The following CACNA2D1 variants were observed in gnomAD, a reference collection of about 807,000 sequenced individuals.
CACNA2D1 encodes the protein calcium voltage-gated channel auxiliary subunit alpha2delta 1.
CACNA2D1 carries 53 observed loss-of-function variants against 171.5 expected under a neutral mutation model. The ratio of observed to expected loss-of-function variants is 0.31; its 90% confidence interval spans 0.25 to 0.39. The LOEUF is 0.39. CACNA2D1 is among the 10% of genes least tolerant of loss of function. CACNA2D1 has a pLI of 1.00. For missense variants in CACNA2D1, 903 were observed against 1,299.8 expected (o/e 0.69, Z 4.69); for synonymous variants, 442 against 443.1 (o/e 1.00, Z 0.03).
chr7:82,228,803 C>A (rs1802611702), intron 3 of CACNA2D1, among the ~76,000 whole-genome samples: 2 of 152,088 alleles, frequency 1.3e-5, no homozygotes, highest in African/African-American at 4.8e-5. Context: ...GTGATCTCAA[C>A]ACTATAGCTA....
At chr7:82,004,738 A>C (rs1409602707) in intron 18 of CACNA2D1, among the ~76,000 whole-genome samples, 1 of 152,180 alleles carries the variant, frequency 6.6e-6, no homozygotes, top group South Asian at 2.1e-4. Context: ...CGTCTAAATA[A>C]ATTTTGCTAT....
At chr7:82,084,509 A>G (rs1252320117) in intron 7 of CACNA2D1, among the ~76,000 whole-genome samples, 1 of 152,200 alleles carries the variant, frequency 6.6e-6, no homozygotes, top group African/African-American at 2.4e-5. Flanking sequence ...TGTTCCAGGT[A>G]TATACCTAAG....
At chr7:82,291,795 G>A (rs984498584) in intron 3 of CACNA2D1, among the ~76,000 whole-genome samples, 1 of 150,612 alleles carries the variant, frequency 6.6e-6, no homozygotes, top group Non-Finnish European at 1.5e-5. Flanking sequence ...GTGAGCCACT[G>A]CACCCAGCCC....
At chr7:82,414,853 T>C (rs1651696481) in intron 1 of CACNA2D1, among the ~76,000 whole-genome samples, 1 of 152,238 alleles carries the variant, frequency 6.6e-6, no homozygotes, top group South Asian at 2.1e-4. Flanking sequence ...GCACTGGTTA[T>C]AGCTACTCAT....
chr7:82,266,050 C>A (rs946154011), intron 3 of CACNA2D1, among the ~76,000 whole-genome samples: 1 of 152,092 alleles, frequency 6.6e-6, no homozygotes, highest in Non-Finnish European at 1.5e-5. Context: ...GTATATGCAT[C>A]TTTATAATGT....
At chr7:82,294,462 A>C (rs185509327) in intron 3 of CACNA2D1, among the ~76,000 whole-genome samples, 125 of 150,678 alleles carry the variant, frequency 8.3e-4, no homozygotes, top group African/African-American at 2.8e-3. Context: ...ACTATAATTA[A>C]GTTTTCTGCT....
At chr7:82,379,028 C>T (rs908094387) in intron 1 of CACNA2D1, among the ~76,000 whole-genome samples, 12 of 150,676 alleles carry the variant, frequency 8.0e-5, no homozygotes, top group African/African-American at 2.9e-4. Context: ...CTCCTCAACT[C>T]TGTATTATAG....
intron 24 of CACNA2D1, among the ~76,000 whole-genome samples, chr7:81,979,833 T>C (rs185857892): frequency 2.5e-4 from 38 of 152,212 alleles, no homozygotes; most frequent in Admixed American, 4.6e-4. Flanking sequence ...ATTCTTTATA[T>C]ATTTACAGAT....
At chr7:82,310,064 A>G (rs1261662474) in intron 3 of CACNA2D1, among the ~76,000 whole-genome samples, 2 of 152,206 alleles carry the variant, frequency 1.3e-5, no homozygotes, top group East Asian at 1.9e-4. Context: ...TTATTTTTAT[A>G]TGGTATAGAA....
intron 3 of CACNA2D1, among the ~76,000 whole-genome samples, chr7:82,320,929 T>TTATATAAAGCCATTTATATATA (rs1554510275): frequency 3.4e-5 from 5 of 148,716 alleles, no homozygotes; most frequent in African/African-American, 7.5e-5. Flanking sequence ...AGTTAATGGC[T>TTATATAAAGCCATTTATATATA]TATATAAAGC....
At chr7:82,193,280 A>G (rs935702739) in intron 3 of CACNA2D1, among the ~76,000 whole-genome samples, 2 of 152,014 alleles carry the variant, frequency 1.3e-5, no homozygotes, top group Non-Finnish European at 2.9e-5. Flanking sequence ...ACATTTACAG[A>G]TTACCTACTT....
intron 6 of CACNA2D1, among the ~76,000 whole-genome samples, chr7:82,096,181 T>C (rs1223100387): frequency 6.6e-6 from 1 of 152,200 alleles, no homozygotes; most frequent in Admixed American, 6.5e-5. Context: ...GTTTTAGGTC[T>C]ATGGTCCACA....
chr7:82,146,790 C>T (rs1275748535), intron 4 of CACNA2D1, among the ~76,000 whole-genome samples: 5 of 150,778 alleles, frequency 3.3e-5, no homozygotes, highest in African/African-American at 1.2e-4. Flanking sequence ...AATTTGACAA[C>T]AGCCTGGCCA....
chr7:82,191,152 G>T (rs1176577736), intron 3 of CACNA2D1, among the ~76,000 whole-genome samples: 2 of 151,568 alleles, frequency 1.3e-5, no homozygotes, highest in African/African-American at 2.4e-5. Context: ...TTTATAAAGA[G>T]AAATCAAAGA....
chr7:82,187,821 C>T (rs1797915562), intron 3 of CACNA2D1, among the ~76,000 whole-genome samples: 1 of 152,056 alleles, frequency 6.6e-6, no homozygotes, highest in South Asian at 2.1e-4. Context: ...ATTTATTTCT[C>T]CAGTTCTGGA....
intron 24 of CACNA2D1, among the ~76,000 whole-genome samples, chr7:81,980,020 C>T (rs748894107): frequency 6.6e-6 from 1 of 150,936 alleles, no homozygotes; most frequent in African/African-American, 2.4e-5. Context: ...AGGAAGGATG[C>T]GTATACCAGT....
chr7:82,323,091 T>C (rs1816193003), intron 3 of CACNA2D1, among the ~76,000 whole-genome samples: 1 of 152,186 alleles, frequency 6.6e-6, no homozygotes, highest in South Asian at 2.1e-4. Context: ...CTTGATCAGA[T>C]TGTCTTTGAA....
Position 81,991,266 on chromosome 7 carries a change from G to C in CACNA2D1, c.1735-20C>G, listed in dbSNP as rs750473273. 8.0e-7 allele frequency: 1 copy of C among 1,253,910 alleles called. No homozygotes were observed. Among genetic ancestry groups the C allele is most frequent in the South Asian group, 1.2e-5 (1 of 83,684 alleles). The allele number at this position is 1,253,910 out of a possible 1,614,324, so 77.7% of individuals were successfully genotyped here. A position where few individuals can be genotyped will look rare whatever the true frequency, so the allele number is the denominator to read the frequency against. ...ATATCTCTAGAAAGAAGTTTAACGT[G>C]GTTATTATCACTTTACATTTTGTAT... On this transcript the variant is annotated intron_variant, in intron 20 of 38. Coordinates refer to ENST00000356860, the MANE Select transcript of CACNA2D1 (RefSeq NM_000722.4).
At chr7:82,155,063 T>A (rs1794241496) in intron 4 of CACNA2D1, among the ~76,000 whole-genome samples, 1 of 151,992 alleles carries the variant, frequency 6.6e-6, no homozygotes. Flanking sequence ...CTCCTCCCCT[T>A]TCTGTCTTGC....
Sources: gnomAD v4.1 joint callset for allele counts (sites outside exome capture counted in the v4.1 genomes callset) on GRCh38, gnomAD v4.1.1 for gene constraint, MANE v1.5 for transcripts, NCBI Gene and HGNC (gene_info 2026-07-23, HGNC 2026-07-21) for gene names.